BRAF: variants seen among roughly 807,000 people sequenced by gnomAD.
BRAF encodes serine/threonine-protein kinase B-raf.
In BRAF, 16 loss-of-function variants were observed where a neutral mutation model predicts 104.6. The ratio of observed to expected loss-of-function variants is 0.15; its 90% CI spans 0.10 to 0.23. The LOEUF (loss-of-function observed/expected upper bound fraction) is 0.23. Among genes scored for constraint, BRAF ranks in the 10% least tolerant of loss-of-function variants. The pLI is 1.00. For synonymous variants in BRAF, 310 were observed against 341.6 expected, an observed-to-expected ratio of 0.91 and a Z score of 1.02; for missense variants, 541 against 937.3, an observed-to-expected ratio of 0.58 and a Z score of 5.52.
chr7:140,774,443 T>C (rs752252319), intron 14 of BRAF, among the ~76,000 whole-genome samples: 7 of 152,342 alleles, frequency 4.6e-5, no homozygotes, highest in Middle Eastern at 3.4e-3. Flanking sequence ...AATGTTCTTC[T>C]TTACTGTTAC....
At chr7:140,896,663 C>T (rs767261522) in intron 1 of BRAF, among the ~76,000 whole-genome samples, 4 of 151,642 alleles carry the variant, frequency 2.6e-5, no homozygotes, top group African/African-American at 4.8e-5. Context: ...GTCAGGAGTT[C>T]GAGACCAGCC....
intron 3 of BRAF, among the ~76,000 whole-genome samples, chr7:140,826,716 A>G (rs749291952): frequency 1.3e-5 from 2 of 152,202 alleles, no homozygotes; most frequent in Non-Finnish European, 2.9e-5. Flanking sequence ...TTGCGGGGGA[A>G]GTTGCAGTCA....
At position 140,720,922 on chromosome 7, in the gene BRAF, A is replaced by G. The variant is rs1795289835; in HGVS notation, c.*5572T>C. The G allele has an allele frequency of 1.1e-5, 12 of 1,065,918 alleles. 1 individual carries two copies. The highest frequency in any genetic ancestry group is 1.1e-5 in the Non-Finnish European group (10 of 879,648). The allele number at this position is 1,065,918 out of a possible 1,614,324, so 66.0% of individuals were successfully genotyped here. On this transcript the variant is annotated 3_prime_UTR_variant, in exon 20 of 20. Transcript: ENST00000644969. Reference sequence around the variant, plus strand: ...ACAAATTTTCTGCCAACTCTCCCGCATATGTGCTGTACATGAGAACCAGCG... The same window carrying G: ...ACAAATTTTCTGCCAACTCTCCCGCGTATGTGCTGTACATGAGAACCAGCG...
In BRAF at chr7:140,724,526, C is replaced by T. The variant is rs1048591063; in HGVS notation, c.*1968G>A. The T allele has an allele frequency of 9.6e-7, 1 of 1,045,980 alleles. No homozygotes were observed. The highest frequency in any genetic ancestry group is 1.2e-6 in the Non-Finnish European group (1 of 867,166). The allele number at this position is 1,045,980 out of a possible 1,614,324, so 64.8% of individuals were successfully genotyped here. Reference sequence around the variant, plus strand: ...GATGTAAAACTTAAAAACAAATTTGCTTTTCAAACTGATTAATAACTTAAG... The same window carrying T: ...GATGTAAAACTTAAAAACAAATTTGTTTTTCAAACTGATTAATAACTTAAG... On this transcript the variant is annotated 3_prime_UTR_variant, in exon 20 of 20. Transcript: ENST00000644969.
chr7:140,840,051 C>T (rs186959563), intron 2 of BRAF, among the ~76,000 whole-genome samples: 5 of 152,302 alleles, frequency 3.3e-5, no homozygotes, highest in African/African-American at 7.2e-5. Context: ...TCTTTAAAAG[C>T]ACCCACTTTC....
intron 1 of BRAF, among the ~76,000 whole-genome samples, chr7:140,895,081 C>T (rs918954626): frequency 4.6e-5 from 7 of 152,002 alleles, no homozygotes; most frequent in South Asian, 2.1e-4. Flanking sequence ...TAAATAAAAA[C>T]CTGAATTAGG....
chr7:140,799,922 T>TAAAAAA, intron 7 of BRAF: 13 of 319,392 alleles, frequency 4.1e-5, no homozygotes, highest in Non-Finnish European at 6.5e-5. Flanking sequence ...CATGATTTTT[T>TAAAAAA]CAGGACTGGT....
At chr7:140,757,919 C>CA (rs1798339671) in intron 14 of BRAF, among the ~76,000 whole-genome samples, 1 of 152,192 alleles carries the variant, frequency 6.6e-6, no homozygotes, top group Non-Finnish European at 1.5e-5. Context: ...CATGTTACAT[C>CA]ACTTGATCTT....
intron 1 of BRAF, among the ~76,000 whole-genome samples, chr7:140,853,484 C>G (rs1427846367): frequency 6.6e-6 from 1 of 152,188 alleles, no homozygotes; most frequent in African/African-American, 2.4e-5. Context: ...ATTTGTCTAG[C>G]TTCATTTCTT....
At chr7:140,893,792 T>C (rs1490494977) in intron 1 of BRAF, among the ~76,000 whole-genome samples, 1 of 151,986 alleles carries the variant, frequency 6.6e-6, no homozygotes, top group Non-Finnish European at 1.5e-5. Context: ...TATATCCCCA[T>C]CTATCACTAT....
At chr7:140,755,545 C>T (rs1798134432) in intron 14 of BRAF, among the ~76,000 whole-genome samples, 1 of 152,104 alleles carries the variant, frequency 6.6e-6, no homozygotes, top group Non-Finnish European at 1.5e-5. Context: ...AAAGTAATCC[C>T]TTCTCCAATT....
intron 17 of BRAF, 103 bp from the exon 17 acceptor site, chr7:140,740,049 C>A (rs991759529): frequency 8.1e-7 from 1 of 1,237,504 alleles, no homozygotes; most frequent in Non-Finnish European, 1.1e-6. Flanking sequence ...TTACAGCTTA[C>A]GATGTATGTA....
chr7:140,869,642 A>AAG (rs1225747084), intron 1 of BRAF, among the ~76,000 whole-genome samples: 1 of 151,862 alleles, frequency 6.6e-6, no homozygotes, highest in Non-Finnish European at 1.5e-5. Context: ...CAAACAAAAA[A>AAG]AAAAAAAGAA....
chr7:140,837,734 A>G (rs1326465656), intron 2 of BRAF, among the ~76,000 whole-genome samples: 5 of 152,224 alleles, frequency 3.3e-5, no homozygotes, highest in African/African-American at 1.2e-4. Context: ...CAGTCAAAAC[A>G]GTTATTCCAA....
chr7:140,736,646 C>T (rs546872328), intron 18 of BRAF, among the ~76,000 whole-genome samples: 16 of 151,798 alleles, frequency 1.1e-4, no homozygotes, highest in African/African-American at 3.4e-4. Flanking sequence ...AGGCTGGTTT[C>T]GAACTCCCAA....
At chr7:140,747,390 T>C (rs1354255415) in intron 17 of BRAF, 1 of 1,283,862 alleles carries the variant, frequency 7.8e-7, no homozygotes, top group East Asian at 5.6e-5. Context: ...CACATTCCTC[T>C]CATGGAGAGT....
intron 2 of BRAF, among the ~76,000 whole-genome samples, chr7:140,843,647 T>C (rs1425917623): frequency 1.3e-5 from 2 of 152,360 alleles, no homozygotes; most frequent in East Asian, 1.9e-4. Context: ...CATTTATTTA[T>C]ATATATACAA....
intron 3 of BRAF, among the ~76,000 whole-genome samples, chr7:140,826,699 C>T (rs1457107419): frequency 1.3e-5 from 2 of 152,136 alleles, no homozygotes; most frequent in Admixed American, 1.3e-4. Flanking sequence ...CTCAAAAAAG[C>T]GTGGGTTTGC....
At position 140,721,613 on chromosome 7, in the gene BRAF, T is replaced by C; in HGVS notation, c.*4881A>G. On this transcript the variant is annotated 3_prime_UTR_variant, in exon 20 of 20. Coordinates refer to ENST00000644969, the MANE Select transcript of BRAF (RefSeq NM_001374258.1). ...CGCTCTCCTCTGGCCAAGCTACAAA[T>C]CATCACCTGAGGCAGAGATGCTACT... The C allele has an allele frequency of 6.5e-7, 1 of 1,535,528 alleles. No individual in the cohort carries two copies. The highest frequency in any genetic ancestry group is 1.4e-5 in the African/African-American group (1 of 73,084).
Sources: allele counts gnomAD v4.1 joint callset (sites outside exome capture counted in the v4.1 genomes callset), GRCh38; gene constraint gnomAD v4.1.1; transcripts MANE v1.5; gene names NCBI Gene and HGNC (gene_info 2026-07-23, HGNC 2026-07-21).